MAGEB10: variants seen among roughly 807,000 people sequenced by gnomAD.
The protein encoded by MAGEB10 is MAGE family member B10, also known as melanoma-associated antigen B10.
For synonymous variants in MAGEB10, 99 were observed against 101.0 expected (o/e 0.98, Z 0.12); for missense variants, 190 against 261.9 (o/e 0.73, Z 1.89).
Position 27,817,654 on chromosome X carries a change from C to G in MAGEB10, c.-98C>G, listed in dbSNP as rs753547071. On this transcript the variant is annotated 5_prime_UTR_variant, in exon 2 of 3. Coordinates refer to ENST00000356790, the MANE Select transcript of MAGEB10 (RefSeq NM_182506.3). ...AGCTCAAGCAATCCTCCCACCTCAG[C>G]CTTTCAAGCAGCTAGGAGTACAGTT... 37 of 111,015 alleles carry G rather than the reference C, an allele frequency of 3.3e-4. No individual in the cohort carries two copies. The highest frequency in any genetic ancestry group is 1.2e-3 in the African/African-American group (36 of 30,548). 9.1% of individuals were successfully genotyped at this position (111,015 alleles called of 1,213,427 possible).
In MAGEB10 at chrX:27,822,004, A is replaced by G. The variant is rs765174123; in HGVS notation, c.698A>G (p.Tyr233Cys). The change falls in exon 3 of 3, where the codon TAT becomes TGT. Residue 233 changes from tyrosine to cysteine, a missense_variant. Coordinates refer to ENST00000356790, the MANE Select transcript of MAGEB10 (RefSeq NM_182506.3). ...AAAGTGTTTAACACGATGGGGTTAT[A>G]TGACGGAATTGAGCACTTCATGTTT... Reference protein sequence around the residue: ...VWKVFNTMGLYDGIEHFMFGE... With the variant: ...VWKVFNTMGLCDGIEHFMFGE... 2.1e-5 allele frequency: 25 copies of G among 1,210,156 alleles called. No individual in the cohort carries two copies. The highest frequency in any genetic ancestry group is 4.4e-5 in the Admixed American group (2 of 45,778).
intron 1 of MAGEB10, chrX:27,811,768 C>G (rs886918261): frequency 8.7e-6 from 1 of 115,400 alleles, no homozygotes; most frequent in South Asian, 3.2e-4. Flanking sequence ...ACAGAAGCAA[C>G]TTCCATAAAG....
intron 1 of MAGEB10, 145 bp downstream of exon 1, chrX:27,808,181 A>G (rs1266887202): frequency 8.9e-6 from 1 of 112,018 alleles, no homozygotes; most frequent in Admixed American, 9.4e-5. Flanking sequence ...TCTTCTGGAG[A>G]GTCAGGGAAG....
chrX:27,817,224 A>G (rs1923798391), intron 1 of MAGEB10, among the ~76,000 whole-genome samples: 1 of 109,490 alleles, frequency 9.1e-6, no homozygotes, highest in Non-Finnish European at 1.9e-5. Flanking sequence ...ATTACATCTC[A>G]TACATACTTT....
At position 27,822,318 on chromosome X, in the gene MAGEB10, G is replaced by A. The variant is rs1923904748; in HGVS notation, c.1012G>A (p.Val338Ile). 6.6e-6 allele frequency: 8 copies of A among 1,207,219 alleles called. No homozygotes were observed. The highest frequency in any genetic ancestry group is 1.7e-5 in the African/African-American group (1 of 57,180). ...TGCCACAGCCGGTGCACGTTCCAAG[G>A]TTAAGTCCAGCAAGTCCTCCCAACT... ...VSATAGARSK[V>I]KSSKSSQLQ is the part of the protein sequence containing the mutation. Residue 338 changes from valine to isoleucine, a missense_variant, in exon 3 of 3, where the codon GTT becomes ATT. Val to Ile is a conservative substitution (Grantham distance 29). Coordinates refer to ENST00000356790, the MANE Select transcript of MAGEB10 (RefSeq NM_182506.3).
In MAGEB10 at chrX:27,821,369, G is replaced by C; in HGVS notation, c.63G>C (p.Gly21=). 1 of 1,211,861 alleles carries C rather than the reference G, an allele frequency of 8.3e-7. No individual in the cohort carries two copies. Among genetic ancestry groups the C allele is most frequent in the African/African-American group, 1.7e-5 (1 of 57,838 alleles). The stretch of plus-strand genomic sequence containing the variant: ...AAAAACGCCGTCAGGCCCGAGGAGG[G>C]CTGGAAGATTTGATAGATGCTCTGG... The part of the protein sequence containing the change: ...AREKRRQARG[G]LEDLIDALDI... The change falls in exon 3 of 3, where the codon GGG becomes GGC. Residue 21 remains glycine, a synonymous_variant. Transcript: ENST00000356790.
rs1173660328 is a variant in MAGEB10, at chrX:27,808,334, G to C, written c.-199+298G>C. Among the ~76,000 whole-genome samples the C allele has an allele frequency of 3.6e-5, 4 of 111,527 alleles. No individual in the cohort carries two copies. The East Asian group carries it at 1.2e-3, about 32-fold the overall frequency. On this transcript the variant is annotated intron_variant, in intron 1 of 2. Coordinates refer to ENST00000356790, the MANE Select transcript of MAGEB10 (RefSeq NM_182506.3). ...AGCGAAAACATGGATATACTTCCTA[G>C]AGGAGGACTTAATATTACTACTACT... is the stretch of plus-strand genomic sequence containing the variant.
intron 1 of MAGEB10, among the ~76,000 whole-genome samples, chrX:27,809,938 C>G (rs1481225163): frequency 1.8e-5 from 2 of 109,411 alleles, no homozygotes; most frequent in East Asian, 2.9e-4. Context: ...TTTGGAGAAC[C>G]CTTGTGTCAA....
intron 2 of MAGEB10, 33 bp downstream of exon 2, chrX:27,817,735 C>T (rs1923807208): frequency 9.0e-6 from 1 of 111,158 alleles, no homozygotes; most frequent in Non-Finnish European, 1.9e-5. Flanking sequence ...TAACTGTTTA[C>T]ATATTGCTCC....
At chrX:27,808,330 C>T (rs1411504178) in intron 1 of MAGEB10, among the ~76,000 whole-genome samples, 5 of 111,700 alleles carry the variant, frequency 4.5e-5, no homozygotes, top group African/African-American at 1.6e-4. Context: ...GGATATACTT[C>T]CTAGAGGAGG....
chrX:27,809,802 A>G (rs943665951), intron 1 of MAGEB10, among the ~76,000 whole-genome samples: 1 of 101,918 alleles, frequency 9.8e-6, no homozygotes, highest in Non-Finnish European at 2.0e-5. Context: ...AGGGGATTGT[A>G]AATACACCAA....
chrX:27,808,947 G>A (rs774806688), intron 1 of MAGEB10, among the ~76,000 whole-genome samples: 2 of 112,522 alleles, frequency 1.8e-5, no homozygotes, highest in African/African-American at 3.2e-5. Flanking sequence ...AGCAGGGGAA[G>A]GAGTCCTATT....
At chrX:27,820,553 T>C (rs1923865132) in intron 2 of MAGEB10, among the ~76,000 whole-genome samples, 2 of 110,561 alleles carry the variant, frequency 1.8e-5, no homozygotes, top group South Asian at 7.7e-4. Context: ...CCACCCCAGA[T>C]CAAAAGGGGA....
chrX:27,815,111 A>G (rs1368321318), intron 1 of MAGEB10, among the ~76,000 whole-genome samples: 1 of 111,612 alleles, frequency 9.0e-6, no homozygotes, highest in East Asian at 2.8e-4. Context: ...CCCAAATTAC[A>G]CTGTTCTTTC....
chrX:27,810,350 G>A (rs192876291), intron 1 of MAGEB10, among the ~76,000 whole-genome samples: 5 of 111,577 alleles, frequency 4.5e-5, no homozygotes, highest in Non-Finnish European at 9.4e-5. Context: ...AACAAACTCC[G>A]GACACGCCAC....
intron 1 of MAGEB10, chrX:27,812,682 C>A: frequency 2.8e-6 from 1 of 351,111 alleles, no homozygotes; most frequent in Non-Finnish European, 5.7e-6. Context: ...CAACAGCAGT[C>A]CTCCAAGCTA....
chrX:27,819,810 A>G (rs777849981), intron 2 of MAGEB10, among the ~76,000 whole-genome samples: 4 of 111,559 alleles, frequency 3.6e-5, no homozygotes, highest in African/African-American at 1.3e-4. Flanking sequence ...GCCAGATATA[A>G]AAGTCTCTGA....
intron 1 of MAGEB10, chrX:27,812,625 A>C (rs182991930): frequency 2.9e-4 from 71 of 244,543 alleles, no homozygotes; most frequent in African/African-American, 1.4e-3. Context: ...GAACCTCCTC[A>C]CCAAAGATTT....
At chrX:27,815,147 G>A (rs1368568949) in intron 1 of MAGEB10, among the ~76,000 whole-genome samples, 1 of 111,590 alleles carries the variant, frequency 9.0e-6, no homozygotes, top group Non-Finnish European at 1.9e-5. Flanking sequence ...GTGAGTCCTT[G>A]TGCCCAAATC....
Sources: allele counts gnomAD v4.1 joint callset (sites outside exome capture counted in the v4.1 genomes callset), GRCh38; gene constraint gnomAD v4.1.1; transcripts MANE v1.5; gene names NCBI Gene and HGNC (gene_info 2026-07-23, HGNC 2026-07-21).